Variants in CUL3 observed in about 807,000 individuals in gnomAD.
The protein encoded by CUL3 is cullin-3.
CUL3 carries 19 observed loss-of-function variants against 89.1 expected under a neutral mutation model. The observed-to-expected ratio is 0.21, with a 90% CI of 0.15 to 0.31. The LOEUF is 0.31. Among genes scored for constraint, CUL3 ranks in the 10% least tolerant of loss-of-function variants. The pLI, the probability that CUL3 is intolerant of heterozygous loss-of-function variation, is 1.00. For synonymous variants in CUL3, 351 were observed against 308.4 expected, an observed-to-expected ratio of 1.14 and a Z score of -1.45; for missense variants, 469 against 942.3, an observed-to-expected ratio of 0.50 and a Z score of 6.58.
At chr2:224,477,843 T>G (rs996413050) in intron 15 of CUL3, among the ~76,000 whole-genome samples, 1 of 152,238 alleles carries the variant, frequency 6.6e-6, no homozygotes, top group African/African-American at 2.4e-5. Context: ...CTTCCCCTCC[T>G]TAGTTTCCCA....
intron 1 of CUL3, 134 bp from the exon 2 acceptor site, chr2:224,557,990 A>G: frequency 1.8e-6 from 1 of 564,566 alleles, no homozygotes; most frequent in Admixed American, 3.2e-5. Flanking sequence ...ATGACACATA[A>G]GAACATTAAC....
At position 224,495,949 on chromosome 2, in the gene CUL3, A is replaced by C; in HGVS notation, c.1725T>G (p.Val575=). 3.7e-6 allele frequency: 6 copies of C among 1,611,428 alleles called. No homozygotes were observed. Reference sequence around the variant, plus strand: ...CAGTTACTTGTGCACCTCCAACACCAACTTCAGATCCATCTTCCTGTTTCA... The same window carrying C: ...CAGTTACTTGTGCACCTCCAACACCCACTTCAGATCCATCTTCCTGTTTCA... The part of the protein sequence containing the change: ...GPVKKEDGSE[V]GVGGAQVTGS... The change falls in exon 13 of 16, where the codon GTT becomes GTG. Residue 575 remains valine, a synonymous_variant. Transcript: ENST00000264414.
intron 3 of CUL3, among the ~76,000 whole-genome samples, chr2:224,521,344 T>C (rs538510175): frequency 2.0e-5 from 3 of 152,242 alleles, no homozygotes; most frequent in South Asian, 4.1e-4. Context: ...TTAGTATAAA[T>C]ATAAATACAA....
intron 1 of CUL3, among the ~76,000 whole-genome samples, chr2:224,574,629 T>C (rs139826710): frequency 3.9e-5 from 6 of 152,350 alleles, no homozygotes; most frequent in South Asian, 2.1e-4. Flanking sequence ...TCCTGGGTCC[T>C]AGACACCCTC....
chr2:224,555,204 T>C (rs1694656382), intron 2 of CUL3, among the ~76,000 whole-genome samples: 1 of 152,198 alleles, frequency 6.6e-6, no homozygotes. Flanking sequence ...ATTTTCAATA[T>C]AATCTAAACA....
intron 8 of CUL3, among the ~76,000 whole-genome samples, chr2:224,504,724 T>C (rs1338652992): frequency 3.3e-5 from 5 of 152,238 alleles, no homozygotes; most frequent in African/African-American, 9.6e-5. Context: ...TGTGCAACCT[T>C]AGTGATTTTG....
chr2:224,541,387 A>G (rs1694098505), intron 2 of CUL3, among the ~76,000 whole-genome samples: 1 of 152,202 alleles, frequency 6.6e-6, no homozygotes, highest in South Asian at 2.1e-4. Context: ...AAACCATGAG[A>G]AACCCCTACA....
At chr2:224,478,420 A>G in intron 14 of CUL3, 75 bp from the exon 15 acceptor site, 3 of 1,450,358 alleles carry the variant, frequency 2.1e-6, no homozygotes. Flanking sequence ...ATTATAATTC[A>G]ATGTAATCCA....
intron 10 of CUL3, 58 bp from the exon 11 acceptor site, chr2:224,500,545 C>A: frequency 6.5e-7 from 1 of 1,549,430 alleles, no homozygotes; most frequent in Non-Finnish European, 8.9e-7. Flanking sequence ...GCTTTCTGTT[C>A]TGTTTAGACA....
chr2:224,572,004 A>G (rs948576265), intron 1 of CUL3, among the ~76,000 whole-genome samples: 1 of 152,224 alleles, frequency 6.6e-6, no homozygotes, highest in African/African-American at 2.4e-5. Flanking sequence ...TCCTAAGCTG[A>G]GTGTCCTTCC....
Position 224,474,190 on chromosome 2 carries a change from TC to T in CUL3, c.*54del. The T allele has an allele frequency of 6.4e-7, 1 of 1,552,774 alleles. No individual in the cohort carries two copies. Among genetic ancestry groups the T allele is most frequent in the Non-Finnish European group, 8.7e-7 (1 of 1,144,422 alleles). The stretch of plus-strand genomic sequence containing the variant: ...TAATATTTAATGATTTAAAAGAACT[TC>T]CCAGTCCATGCGAAGAGTACAGTCC... On this transcript the variant is annotated 3_prime_UTR_variant, in exon 16 of 16. Transcript: ENST00000264414.
chr2:224,545,022 G>A (rs1187166791), intron 2 of CUL3, among the ~76,000 whole-genome samples: 2 of 152,022 alleles, frequency 1.3e-5, no homozygotes, highest in South Asian at 2.1e-4. Context: ...ATATTTTGAG[G>A]AATTCTTAAT....
chr2:224,519,409 GT>G (rs1189331416), intron 3 of CUL3, among the ~76,000 whole-genome samples: 1 of 152,182 alleles, frequency 6.6e-6, no homozygotes, highest in Non-Finnish European at 1.5e-5. Context: ...AAGCTGGAAG[GT>G]GTAGGCAGAA....
intron 3 of CUL3, among the ~76,000 whole-genome samples, chr2:224,519,890 G>C (rs188806273): frequency 7.5e-4 from 113 of 150,360 alleles, no homozygotes; most frequent in African/African-American, 2.6e-3. Flanking sequence ...CCTCTAACTA[G>C]CAAACTCAAA....
chr2:224,567,820 C>G (rs1462627744), intron 1 of CUL3, among the ~76,000 whole-genome samples: 3 of 152,002 alleles, frequency 2.0e-5, no homozygotes, highest in Admixed American at 1.3e-4. Context: ...AATCTACTTC[C>G]CTCAAAATCA....
chr2:224,490,517 G>A (rs368846039), intron 13 of CUL3, among the ~76,000 whole-genome samples: 64 of 151,968 alleles, frequency 4.2e-4, no homozygotes, highest in South Asian at 2.9e-3. Context: ...GTGGTCCCCC[G>A]GGCCCAGCTG....
In CUL3 at chr2:224,471,536, A is replaced by AGAGAAGG; in HGVS notation, c.*2702_*2708dup. Reference sequence around the variant, plus strand: ...GCTTCACTATGAGAAGGATTCTTACAGAGAAGGCCTATCATCAGCATCTTG... The same window carrying AGAGAAGG: ...GCTTCACTATGAGAAGGATTCTTACAGAGAAGGGAGAAGGCCTATCATCAGCATCTTG... On this transcript the variant is annotated 3_prime_UTR_variant, in exon 16 of 16. Coordinates refer to ENST00000264414, the MANE Select transcript of CUL3 (RefSeq NM_003590.5). 1 of 195,662 alleles carries AGAGAAGG rather than the reference A, an allele frequency of 5.1e-6. No homozygotes were observed. Among genetic ancestry groups the AGAGAAGG allele is most frequent in the Non-Finnish European group, 1.1e-5 (1 of 94,080 alleles). The allele number at this position is 195,662 out of a possible 1,614,324, so 12.1% of individuals were successfully genotyped here. A position where few individuals can be genotyped will look rare whatever the true frequency, so the allele number is the denominator to read the frequency against.
intron 13 of CUL3, among the ~76,000 whole-genome samples, chr2:224,492,543 ACTG>A (rs1444496525): frequency 1.3e-5 from 2 of 152,150 alleles, no homozygotes; most frequent in East Asian, 1.9e-4. Flanking sequence ...TCAAAAACCC[ACTG>A]CTAATTACTA....
In CUL3 at chr2:224,535,629, C is replaced by T. The variant is rs775935313; in HGVS notation, c.277G>A (p.Val93Ile). ...AAGTTGTTATTCAATGAATTTAGTA[C>T]ATCTTCTCGCACCTAGTAACAGAAG... is the stretch of plus-strand genomic sequence containing the variant. ...EHLINKVRED[V>I]LNSLNNNFLQ... Residue 93 changes from valine to isoleucine, a missense_variant, in exon 3 of 16, where the codon GTA becomes ATA. Val to Ile is a conservative substitution (Grantham distance 29). Transcript: ENST00000264414. The T allele has an allele frequency of 3.7e-6, 6 of 1,611,150 alleles. No individual in the cohort carries two copies. The highest frequency in any genetic ancestry group is 2.7e-5 in the African/African-American group (2 of 74,876).
Sources: gnomAD v4.1 joint callset for allele counts (sites outside exome capture counted in the v4.1 genomes callset) on GRCh38, gnomAD v4.1.1 for gene constraint, MANE v1.5 for transcripts, NCBI Gene and HGNC (gene_info 2026-07-23, HGNC 2026-07-21) for gene names.